COPG2: variants seen among roughly 807,000 people sequenced by gnomAD.
COPG2 encodes coatomer subunit gamma-2.
In COPG2, 37 loss-of-function variants were observed where a neutral mutation model predicts 46.3. The observed-to-expected ratio is 0.80, with a 90% CI of 0.61 to 1.05. The LOEUF (loss-of-function observed/expected upper bound fraction) is 1.05. Among genes scored for constraint, COPG2 ranks in the 50% least tolerant of loss-of-function variants. COPG2 has a pLI of 0.00. For missense variants in COPG2, 427 were observed against 387.8 expected (o/e 1.10, Z -0.85); for synonymous variants, 159 against 129.7 (o/e 1.23, Z -1.53).
At chr7:130,644,462 G>C (rs1417254424) in intron 5 of COPG2, among the ~76,000 whole-genome samples, 1 of 152,160 alleles carries the variant, frequency 6.6e-6, no homozygotes, top group Non-Finnish European at 1.5e-5. Flanking sequence ...AGATAGGGCT[G>C]CTCAAATCAA....
chr7:130,536,505 T>C (rs1040577194), intron 20 of COPG2, among the ~76,000 whole-genome samples: 21 of 152,044 alleles, frequency 1.4e-4, no homozygotes, highest in Admixed American at 5.2e-4. Flanking sequence ...GGAACACAGA[T>C]AACAGCAAAA....
chr7:130,595,319 G>A (rs1237419287), intron 9 of COPG2, among the ~76,000 whole-genome samples: 2 of 152,112 alleles, frequency 1.3e-5, no homozygotes, highest in Admixed American at 1.3e-4. Flanking sequence ...CAAATCCAGA[G>A]ACAAAAAAAT....
chr7:130,654,596 G>A (rs910769345), intron 4 of COPG2, among the ~76,000 whole-genome samples: 4 of 152,152 alleles, frequency 2.6e-5, no homozygotes, highest in Admixed American at 6.5e-5. Context: ...ACTCATATAC[G>A]TATAAGGAAT....
chr7:130,546,378 C>G (rs1194264716), intron 20 of COPG2, among the ~76,000 whole-genome samples: 1 of 152,024 alleles, frequency 6.6e-6, no homozygotes, highest in Admixed American at 6.6e-5. Context: ...GAAAAACAGA[C>G]CAGGAGAGAA....
chr7:130,568,641 G>A (rs1413715622), intron 9 of COPG2, among the ~76,000 whole-genome samples: 3 of 150,448 alleles, frequency 2.0e-5, no homozygotes, highest in East Asian at 3.9e-4. Flanking sequence ...CTGACAGCAC[G>A]AGACAGGTCA....
chr7:130,543,209 A>T (rs1380866237), intron 20 of COPG2, among the ~76,000 whole-genome samples: 1 of 152,220 alleles, frequency 6.6e-6, no homozygotes, highest in African/African-American at 2.4e-5. Context: ...GTGGTCTCCA[A>T]CAAAATTAGC....
At chr7:130,561,656 G>A (rs1161143582) in intron 11 of COPG2, among the ~76,000 whole-genome samples, 3 of 152,102 alleles carry the variant, frequency 2.0e-5, no homozygotes, top group African/African-American at 7.2e-5. Flanking sequence ...CATTATCTAT[G>A]GTTACTACAT....
chr7:130,576,632 G>A (rs1276406093), intron 9 of COPG2, among the ~76,000 whole-genome samples: 1 of 152,050 alleles, frequency 6.6e-6, no homozygotes, highest in Non-Finnish European at 1.5e-5. Flanking sequence ...AAAAGTTCAA[G>A]TGCCTACATC....
At chr7:130,537,413 C>T (rs1429079805) in intron 20 of COPG2, among the ~76,000 whole-genome samples, 1 of 149,898 alleles carries the variant, frequency 6.7e-6, no homozygotes, top group Non-Finnish European at 1.5e-5. Flanking sequence ...AGGGAGGACA[C>T]ACCTGAGAAC....
chr7:130,644,859 C>A (rs1332696740), intron 5 of COPG2, among the ~76,000 whole-genome samples: 7 of 151,958 alleles, frequency 4.6e-5, no homozygotes, highest in Non-Finnish European at 8.8e-5. Flanking sequence ...GTCACAAGTT[C>A]GAGACCAACC....
At chr7:130,575,433 A>G (rs1793984578) in intron 9 of COPG2, among the ~76,000 whole-genome samples, 1 of 152,178 alleles carries the variant, frequency 6.6e-6, no homozygotes, top group Non-Finnish European at 1.5e-5. Flanking sequence ...CCAGCCAAGA[A>G]CTTGGTATCC....
At chr7:130,609,122 T>G (rs892212670) in intron 9 of COPG2, among the ~76,000 whole-genome samples, 4 of 152,020 alleles carry the variant, frequency 2.6e-5, no homozygotes, top group Admixed American at 6.6e-5. Flanking sequence ...CTCAAGCGAT[T>G]CACCTGCCTC....
intron 9 of COPG2, among the ~76,000 whole-genome samples, chr7:130,579,877 C>T: frequency 6.6e-6 from 1 of 152,186 alleles, no homozygotes; most frequent in Non-Finnish European, 1.5e-5. Context: ...GAGACTTAGA[C>T]TCCCATACAT....
At chr7:130,508,124 T>C in intron 21 of COPG2, 2 of 281,082 alleles carry the variant, frequency 7.1e-6, no homozygotes, top group Non-Finnish European at 1.3e-5. Context: ...CACTAAGAGG[T>C]TGATATTTTT....
chr7:130,624,183 C>T (rs1795080938), intron 5 of COPG2, among the ~76,000 whole-genome samples: 1 of 152,220 alleles, frequency 6.6e-6, no homozygotes. Flanking sequence ...TCTAATCACC[C>T]CCAAAGGCCT....
At chr7:130,648,605 T>A (rs1554458664) in intron 5 of COPG2, among the ~76,000 whole-genome samples, 1 of 152,198 alleles carries the variant, frequency 6.6e-6, no homozygotes, top group African/African-American at 2.4e-5. Context: ...AGGACGGGAC[T>A]GCCGTAGGAT....
chr7:130,571,998 A>C (rs1319310408), intron 9 of COPG2, among the ~76,000 whole-genome samples: 1 of 152,104 alleles, frequency 6.6e-6, no homozygotes, highest in Non-Finnish European at 1.5e-5. Context: ...AGGAAAGGAA[A>C]CCCAAACATC....
At chr7:130,666,723 A>C in intron 3 of COPG2, 126 bp downstream of exon 3, 2 of 603,940 alleles carry the variant, frequency 3.3e-6, no homozygotes, top group Non-Finnish European at 5.7e-6. Context: ...TGTTAACCAA[A>C]CGTTGTATAT....
rs1554440171 is a variant in COPG2 at position 130,506,757 on chromosome 7, T to G, written c.2535A>C (p.Leu845Phe). 4 of 780,596 alleles carry G rather than the reference T, an allele frequency of 5.1e-6. No homozygotes were observed. Among genetic ancestry groups the G allele is most frequent in the Non-Finnish European group, 9.6e-6 (4 of 417,768 alleles). The allele number at this position is 780,596 out of a possible 1,614,324, so 48.4% of individuals were successfully genotyped here. A position where few individuals can be genotyped will look rare whatever the true frequency, so the allele number is the denominator to read the frequency against. Reference sequence around the variant, plus strand: ...TCACCTGCATGGTCACTCCATCGGCTAAGGCCAGCCTGGACCTCACCAATA... The same window carrying G: ...TCACCTGCATGGTCACTCCATCGGCGAAGGCCAGCCTGGACCTCACCAATA... ...YDLLVRSRLALADGVTMQVTV... is the reference protein window; with the variant it reads ...YDLLVRSRLAFADGVTMQVTV... The change falls in exon 24 of 24, where the codon TTA becomes TTC. Residue 845 changes from leucine to phenylalanine, a missense_variant. Physicochemically the swap from Leu to Phe is conservative, Grantham distance 22. Transcript: ENST00000425248.
Sources: allele counts gnomAD v4.1 joint callset (sites outside exome capture counted in the v4.1 genomes callset), GRCh38; gene constraint gnomAD v4.1.1; transcripts MANE v1.5; gene names NCBI Gene and HGNC (gene_info 2026-07-23, HGNC 2026-07-21).